SPATA16: variants seen among roughly 807,000 people sequenced by gnomAD.
SPATA16 encodes spermatogenesis associated 16.
In SPATA16, 36 loss-of-function variants were observed where a neutral mutation model predicts 63.3. That is an observed-to-expected ratio of 0.57 (90% CI 0.44 to 0.75). The LOEUF (loss-of-function observed/expected upper bound fraction) is 0.75, where lower values mean the gene tolerates loss of function less well. SPATA16 is among the 30% of genes least tolerant of loss of function. The pLI, the probability that SPATA16 is intolerant of heterozygous loss-of-function variation, is 0.00. For synonymous variants in SPATA16, 203 were observed against 216.7 expected, an observed-to-expected ratio of 0.94 and a Z score of 0.56; for missense variants, 646 against 679.3, an observed-to-expected ratio of 0.95 and a Z score of 0.54.
At chr3:173,001,893 C>T (rs1045885569) in intron 4 of SPATA16, among the ~76,000 whole-genome samples, 2 of 152,070 alleles carry the variant, frequency 1.3e-5, no homozygotes, top group Non-Finnish European at 2.9e-5. Context: ...GACTGGAAAC[C>T]AGAAGACCAT....
chr3:172,977,105 AG>A lies in SPATA16; in HGVS notation c.849-54del, dbSNP rs1028192263. On this transcript the variant is annotated intron_variant, in intron 4 of 10. Transcript: ENST00000351008. ...AACAAAAACAAATGTATAGGACAGAAGGAAAACCATAACAGGCACTATATAC... is the reference window on the plus strand; with the variant it reads ...AACAAAAACAAATGTATAGGACAGAAGAAAACCATAACAGGCACTATATAC... The A allele has an allele frequency of 9.7e-6, 14 of 1,448,972 alleles. 1 individual carries two copies. The highest frequency in any genetic ancestry group is 2.3e-5 in the East Asian group (1 of 43,992). The allele number at this position is 1,448,972 out of a possible 1,614,324, so 89.8% of individuals were successfully genotyped here.
chr3:172,954,316 T>C (rs1243643444), intron 6 of SPATA16, among the ~76,000 whole-genome samples: 1 of 152,132 alleles, frequency 6.6e-6, no homozygotes, highest in African/African-American at 2.4e-5. Context: ...CATCAGATCA[T>C]GTGAGACTTA....
chr3:173,014,948 TACAC>T (rs1735147368), intron 4 of SPATA16, among the ~76,000 whole-genome samples: 1 of 152,242 alleles, frequency 6.6e-6, no homozygotes, highest in Admixed American at 6.5e-5. Flanking sequence ...ATTGGTCTGA[TACAC>T]ACATCATCTG....
At position 172,889,767 on chromosome 3, in the gene SPATA16, G is replaced by A. The variant is rs1731857182; in HGVS notation, c.1588-75C>T. The A allele has an allele frequency of 9.5e-6, 15 of 1,576,446 alleles. No homozygotes were observed. In the South Asian group the frequency reaches 1.6e-4, roughly 17 times the overall value. On this transcript the variant is annotated intron_variant, in intron 10 of 10. Coordinates refer to ENST00000351008, the MANE Select transcript of SPATA16 (RefSeq NM_031955.6). Reference sequence around the variant, plus strand: ...TTTGTATACTTATAAAAACGGTGAGGTATTTAAAATAAATGGCACATACAA... The same window carrying A: ...TTTGTATACTTATAAAAACGGTGAGATATTTAAAATAAATGGCACATACAA...
chr3:172,972,573 G>C (rs551075192), intron 5 of SPATA16, among the ~76,000 whole-genome samples: 2 of 152,272 alleles, frequency 1.3e-5, no homozygotes, highest in African/African-American at 4.8e-5. Context: ...AGAAATTCCA[G>C]GACTAGCTTT....
intron 2 of SPATA16, among the ~76,000 whole-genome samples, chr3:173,094,678 T>G (rs1737306494): frequency 6.2e-5 from 4 of 64,998 alleles, no homozygotes; most frequent in African/African-American, 2.3e-4. Context: ...ATGGGAGTTG[T>G]TTTTTTTTTT....
intron 5 of SPATA16, among the ~76,000 whole-genome samples, chr3:172,959,449 C>G (rs1002121710): frequency 1.3e-5 from 2 of 152,182 alleles, no homozygotes; most frequent in African/African-American, 4.8e-5. Context: ...CCCTCTCTCC[C>G]CACTGAGAAC....
At chr3:173,047,564 T>A (rs1454833453) in intron 3 of SPATA16, among the ~76,000 whole-genome samples, 1 of 152,084 alleles carries the variant, frequency 6.6e-6, no homozygotes, top group African/African-American at 2.4e-5. Flanking sequence ...TTTATGTTCT[T>A]TGCTTTTGCA....
At chr3:173,058,548 A>G (rs1001050378) in intron 2 of SPATA16, among the ~76,000 whole-genome samples, 1 of 152,116 alleles carries the variant, frequency 6.6e-6, no homozygotes, top group Non-Finnish European at 1.5e-5. Context: ...TCTTGTTTCT[A>G]TATACTAGTA....
intron 2 of SPATA16, among the ~76,000 whole-genome samples, 164 bp from the exon 3 acceptor site, chr3:173,049,258 A>T (rs1736027650): frequency 6.6e-6 from 1 of 152,146 alleles, no homozygotes; most frequent in Non-Finnish European, 1.5e-5. Flanking sequence ...TCCAAACTAC[A>T]AGTAAAATAT....
chr3:173,055,887 A>C (rs530682124), intron 2 of SPATA16, among the ~76,000 whole-genome samples: 1 of 152,208 alleles, frequency 6.6e-6, no homozygotes, highest in African/African-American at 2.4e-5. Context: ...CTATGAATCT[A>C]TAACTATCTT....
chr3:173,089,730 G>A (rs1355462959), intron 2 of SPATA16, among the ~76,000 whole-genome samples: 2 of 152,086 alleles, frequency 1.3e-5, no homozygotes, highest in Non-Finnish European at 2.9e-5. Context: ...GCACTGAATT[G>A]GAAATAATGG....
At chr3:173,090,026 TAAAAC>T (rs1737182501) in intron 2 of SPATA16, among the ~76,000 whole-genome samples, 2 of 152,080 alleles carry the variant, frequency 1.3e-5, no homozygotes, top group African/African-American at 4.8e-5. Flanking sequence ...TGAAACAAAA[TAAAAC>T]AAAGAGGAAG....
At chr3:173,039,866 T>C (rs1735797404) in intron 3 of SPATA16, among the ~76,000 whole-genome samples, 1 of 152,108 alleles carries the variant, frequency 6.6e-6, no homozygotes, top group South Asian at 2.1e-4. Flanking sequence ...GAAAAAATGA[T>C]CAACATATGC....
intron 9 of SPATA16, 41 bp downstream of exon 9, chr3:172,916,276 C>A: frequency 1.3e-6 from 2 of 1,587,808 alleles, no homozygotes; most frequent in South Asian, 1.1e-5. Context: ...TTTCTGTTGG[C>A]TCTGGGCCTA....
chr3:172,962,253 CAAAAAAAA>C (rs71162320), intron 5 of SPATA16, among the ~76,000 whole-genome samples: 1 of 47,708 alleles, frequency 2.1e-5, no homozygotes, highest in Non-Finnish European at 3.6e-5. Context: ...GACTCTGTCT[CAAAAAAAA>C]AAAAAAAAAA....
chr3:173,117,136 A>G lies in SPATA16; in HGVS notation c.596T>C (p.Phe199Ser), dbSNP rs1174103835. The G allele has an allele frequency of 6.2e-7, 1 of 1,614,130 alleles. No individual in the cohort carries two copies. The highest frequency in any genetic ancestry group is 2.2e-5 in the East Asian group (1 of 44,880). The change falls in exon 2 of 11, where the codon TTC becomes TCC. Residue 199 changes from phenylalanine to serine, a missense_variant. Physicochemically the swap from Phe to Ser is radical, Grantham distance 155. Transcript: ENST00000351008. ...QKKYALAAGQ[F>S]RTALELCSKG... ...ATCCCATACCTCAAGTGCTGTTCTG[A>G]ACTGTCCTGCTGCCAAGGCGTATTT...
intron 4 of SPATA16, among the ~76,000 whole-genome samples, chr3:172,999,446 C>T (rs867517184): frequency 6.6e-5 from 10 of 151,562 alleles, no homozygotes; most frequent in African/African-American, 2.2e-4. Flanking sequence ...CAGAGTCTCG[C>T]TCTTTCATCC....
At chr3:172,910,757 C>T (rs1024278151) in intron 10 of SPATA16, among the ~76,000 whole-genome samples, 7 of 152,148 alleles carry the variant, frequency 4.6e-5, no homozygotes, top group African/African-American at 1.7e-4. Context: ...TCAAGGCCCT[C>T]TTCTCTCCTT....
Sources: gnomAD v4.1 joint callset for allele counts (sites outside exome capture counted in the v4.1 genomes callset) on GRCh38, gnomAD v4.1.1 for gene constraint, MANE v1.5 for transcripts, NCBI Gene and HGNC (gene_info 2026-07-23, HGNC 2026-07-21) for gene names.